The following SLC35F3 variants were observed in gnomAD, a reference collection of about 807,000 sequenced individuals.
The protein encoded by SLC35F3 is solute carrier family 35 member F3, also known as putative thiamine transporter SLC35F3.
Under a neutral mutation model 49.9 loss-of-function variants are expected in SLC35F3, and 25 were observed. The observed-to-expected ratio is 0.50, with a 90% CI of 0.37 to 0.70. The LOEUF (loss-of-function observed/expected upper bound fraction) is 0.70, where lower values mean the gene tolerates loss of function less well. Among genes scored for constraint, SLC35F3 ranks in the 30% least tolerant of loss-of-function variants. SLC35F3 has a pLI of 0.00. For missense variants in SLC35F3, 525 were observed against 639.8 expected, an observed-to-expected ratio of 0.82 and a Z score of 1.94; for synonymous variants, 275 against 265.4, an observed-to-expected ratio of 1.04 and a Z score of -0.35.
intron 2 of SLC35F3, among the ~76,000 whole-genome samples, chr1:233,922,169 G>A (rs1662073757): frequency 6.6e-6 from 1 of 152,180 alleles, no homozygotes; most frequent in African/African-American, 2.4e-5. Flanking sequence ...GTAATGGGAT[G>A]GCTGGGTCAA....
At chr1:234,126,476 C>CGTGTGTGTGT (rs147108235) in intron 2 of SLC35F3, among the ~76,000 whole-genome samples, 4 of 119,372 alleles carry the variant, frequency 3.4e-5, no homozygotes, top group African/African-American at 6.3e-5. Flanking sequence ...CCCTGTTTTA[C>CGTGTGTGTGT]ATGTGTGTGT....
intron 3 of SLC35F3, among the ~76,000 whole-genome samples, chr1:234,239,412 TTCA>T (rs1667520235): frequency 2.0e-5 from 3 of 152,188 alleles, no homozygotes. Context: ...CATGTGGTTT[TTCA>T]TCGAGTCAAG....
Position 234,224,193 on chromosome 1 carries a change from T to C in SLC35F3, c.284-7224T>C, listed in dbSNP as rs1214850873. Among the ~76,000 whole-genome samples, 3 of 152,244 alleles carry C rather than the reference T, an allele frequency of 2.0e-5. No individual in the cohort carries two copies. In the East Asian group the frequency reaches 5.8e-4, roughly 29 times the overall value. ...AATCCTGCCACCTCAGCCTCCCAGG[T>C]AGCTGGGACTATAGGCAAGCACCAC... is the stretch of plus-strand genomic sequence containing the variant. On this transcript the variant is annotated intron_variant, in intron 2 of 7. Transcript: ENST00000366618.
In SLC35F3 at chr1:234,016,923, G is replaced by A. The variant is rs149819164; in HGVS notation, c.283+111165G>A. 3.2e-4 allele frequency among the ~76,000 whole-genome samples: 48 copies of A among 152,298 alleles called. 2 individuals carry two copies. The East Asian group carries it at 5.0e-3, about 16-fold the overall frequency. ...AGGCAGTATAGCTCAGAGGGCACAC[G>A]TGTGGGCTCTGGAGTCTTCCTGGAT... On this transcript the variant is annotated intron_variant, in intron 2 of 7. Coordinates refer to ENST00000366618, the MANE Select transcript of SLC35F3 (RefSeq NM_173508.4).
intron 4 of SLC35F3, among the ~76,000 whole-genome samples, chr1:234,315,122 A>G (rs964462083): frequency 3.9e-5 from 6 of 152,196 alleles, no homozygotes; most frequent in African/African-American, 1.4e-4. Flanking sequence ...GTGGCTGACT[A>G]CAAGTGAATT....
At position 234,076,784 on chromosome 1, in the gene SLC35F3, A is replaced by G. The variant is rs542215448; in HGVS notation, c.284-154633A>G. On this transcript the variant is annotated intron_variant, in intron 2 of 7. Coordinates refer to ENST00000366618, the MANE Select transcript of SLC35F3 (RefSeq NM_173508.4). ...CCACAATAATAATATTAATTAAAAGAAAAAGCTAGAATCCTAGCAGTTCTC... is the reference window on the plus strand; with the variant it reads ...CCACAATAATAATATTAATTAAAAGGAAAAGCTAGAATCCTAGCAGTTCTC... Among the ~76,000 whole-genome samples the G allele has an allele frequency of 4.6e-5, 7 of 152,120 alleles. No individual in the cohort carries two copies. The South Asian group carries it at 1.2e-3, about 27-fold the overall frequency.
chr1:234,253,080 C>T (rs987928392), intron 3 of SLC35F3, among the ~76,000 whole-genome samples: 1 of 152,162 alleles, frequency 6.6e-6, no homozygotes, highest in Non-Finnish European at 1.5e-5. Flanking sequence ...AATCCCAGCA[C>T]TTTGGGAGGC....
Position 234,306,845 on chromosome 1 carries a change from C to T in SLC35F3, c.609-2256C>T, listed in dbSNP as rs192526385. Among the ~76,000 whole-genome samples the T allele has an allele frequency of 7.1e-3, 1,081 of 152,272 alleles. 40 individuals are homozygous for T. Among genetic ancestry groups the T allele is most frequent in the Admixed American group, 0.066 (1,005 of 15,298 alleles). ...AAGAGGAAGTAGGTTGCCCAGTTAGCCTTGGATGGCCCCTTCCAGAAGATG... is the reference window on the plus strand; with the variant it reads ...AAGAGGAAGTAGGTTGCCCAGTTAGTCTTGGATGGCCCCTTCCAGAAGATG... On this transcript the variant is annotated intron_variant, in intron 3 of 7. Transcript: ENST00000366618.
chr1:234,099,607 TAA>T (rs34510298), intron 2 of SLC35F3, among the ~76,000 whole-genome samples: 20 of 87,644 alleles, frequency 2.3e-4, no homozygotes, highest in African/African-American at 7.9e-4. Flanking sequence ...AGACTCTGTC[TAA>T]AAAAAAAAAA....
chr1:233,948,616 G>C (rs942310691), intron 2 of SLC35F3, among the ~76,000 whole-genome samples: 4 of 151,026 alleles, frequency 2.6e-5, no homozygotes, highest in Admixed American at 2.6e-4. Context: ...CATTGTGCAG[G>C]TTAGTTACAT....
intron 2 of SLC35F3, among the ~76,000 whole-genome samples, chr1:233,939,809 A>G (rs1332490204): frequency 2.0e-5 from 3 of 152,196 alleles, no homozygotes; most frequent in Non-Finnish European, 2.9e-5. Flanking sequence ...GGGACTGAAC[A>G]TGTCCTGAAT....
intron 2 of SLC35F3, among the ~76,000 whole-genome samples, chr1:234,022,793 G>A (rs1302142334): frequency 6.6e-6 from 1 of 152,148 alleles, no homozygotes; most frequent in Non-Finnish European, 1.5e-5. Context: ...ATTGAGCCTT[G>A]CCACGTTGGC....
chr1:234,053,466 T>G (rs1664408490), intron 2 of SLC35F3, among the ~76,000 whole-genome samples: 1 of 152,174 alleles, frequency 6.6e-6, no homozygotes, highest in Non-Finnish European at 1.5e-5. Context: ...ACCCCTGCTT[T>G]TTTTGTTGTT....
intron 2 of SLC35F3, among the ~76,000 whole-genome samples, chr1:234,100,651 G>A (rs549796206): frequency 3.3e-5 from 5 of 152,340 alleles, no homozygotes; most frequent in Non-Finnish European, 5.9e-5. Flanking sequence ...GATTAAAAGT[G>A]TAGATACACA....
At chr1:233,910,553 A>C (rs1428695688) in intron 2 of SLC35F3, among the ~76,000 whole-genome samples, 1 of 152,238 alleles carries the variant, frequency 6.6e-6, no homozygotes, top group Non-Finnish European at 1.5e-5. Context: ...CTTCGTCTAG[A>C]AATACAGGTC....
intron 3 of SLC35F3, among the ~76,000 whole-genome samples, chr1:234,293,065 C>T (rs493453): frequency 0.3 from 46,400 of 152,152 alleles, 7,392 homozygotes; most frequent in African/African-American, 0.38. Flanking sequence ...AAAGGGCACT[C>T]GAGCAAGATC....
rs529989724 is a variant in SLC35F3 at position 234,081,943 on chromosome 1, G to A, written c.284-149474G>A. Among the ~76,000 whole-genome samples, 204 of 72,146 alleles carry A rather than the reference G, an allele frequency of 2.8e-3. 1 individual carries two copies. The highest frequency in any genetic ancestry group is 0.013 in the African/African-American group (188 of 14,996). The allele number at this position is 72,146 out of a possible 152,430, so 47.3% of individuals were successfully genotyped here. On this transcript the variant is annotated intron_variant, in intron 2 of 7. Coordinates refer to ENST00000366618, the MANE Select transcript of SLC35F3 (RefSeq NM_173508.4). ...TTTTTTTTTTTTTTTTTTTAGTAGA[G>A]ACAGGGTTTCACCATGTTAGCCAGG...
chr1:234,266,823 C>T (rs921212378), intron 3 of SLC35F3, among the ~76,000 whole-genome samples: 43 of 149,896 alleles, frequency 2.9e-4, no homozygotes, highest in African/African-American at 1.0e-3. Flanking sequence ...ATGAAACCAC[C>T]GGTATATATG....
chr1:234,115,793 A>T (rs966174011), intron 2 of SLC35F3, among the ~76,000 whole-genome samples: 1 of 151,828 alleles, frequency 6.6e-6, no homozygotes, highest in Non-Finnish European at 1.5e-5. Context: ...TTTATTACAT[A>T]ACCATTGTAA....
Sources: allele counts gnomAD v4.1 joint callset (sites outside exome capture counted in the v4.1 genomes callset), GRCh38; gene constraint gnomAD v4.1.1; transcripts MANE v1.5; gene names NCBI Gene and HGNC (gene_info 2026-07-23, HGNC 2026-07-21).